RAB3B: variants seen among roughly 807,000 people sequenced by gnomAD.
RAB3B encodes RAB3B, member RAS oncogene family.
A neutral mutation model predicts 20.5 loss-of-function variants in RAB3B; 11 were observed. The observed-to-expected ratio is 0.54, with a 90% CI of 0.34 to 0.89. The LOEUF is 0.89. Ranked by LOEUF, RAB3B falls within the 40% of genes least tolerant of loss-of-function variation. RAB3B has a pLI of 0.02. For synonymous variants in RAB3B, 99 were observed against 106.3 expected (o/e 0.93, Z 0.42); for missense variants, 225 against 280.9 (o/e 0.80, Z 1.42).
At chr1:51,931,421 G>C (rs1190178299) in intron 4 of RAB3B, among the ~76,000 whole-genome samples, 1 of 152,104 alleles carries the variant, frequency 6.6e-6, no homozygotes, top group Non-Finnish European at 1.5e-5. Flanking sequence ...TTTCTCACTG[G>C]ATCGAGCTTA....
chr1:51,909,542 C>T lies in RAB3B; in HGVS notation c.*10385G>A, dbSNP rs1354506397. 1 of 152,150 alleles carries T rather than the reference C, an allele frequency of 6.6e-6. No homozygotes were observed. Among genetic ancestry groups the T allele is most frequent in the Non-Finnish European group, 1.5e-5 (1 of 68,034 alleles). 9.4% of individuals were successfully genotyped at this position (152,150 alleles called of 1,614,324 possible). A position where few individuals can be genotyped will look rare whatever the true frequency, so the allele number is the denominator to read the frequency against. ...AACAAAGGCTCTGGAGCACTCTAAACTCTCATTCTGGGCTCATTCCTCACT... is the reference window on the plus strand; with the variant it reads ...AACAAAGGCTCTGGAGCACTCTAAATTCTCATTCTGGGCTCATTCCTCACT... On this transcript the variant is annotated 3_prime_UTR_variant, in exon 5 of 5. Coordinates refer to ENST00000371655, the MANE Select transcript of RAB3B (RefSeq NM_002867.4).
intron 2 of RAB3B, among the ~76,000 whole-genome samples, chr1:51,974,021 C>T (rs1684974078): frequency 6.6e-6 from 1 of 152,202 alleles, no homozygotes; most frequent in Admixed American, 6.5e-5. Context: ...CATGAATCCT[C>T]TGACCGATGA....
At chr1:51,960,001 G>T (rs551278923) in intron 2 of RAB3B, among the ~76,000 whole-genome samples, 1 of 152,176 alleles carries the variant, frequency 6.6e-6, no homozygotes, top group Non-Finnish European at 1.5e-5. Context: ...GAGGCAGAAA[G>T]GGCCAAGAAT....
intron 2 of RAB3B, among the ~76,000 whole-genome samples, chr1:51,971,993 C>T (rs1274430821): frequency 1.3e-5 from 2 of 152,006 alleles, no homozygotes; most frequent in African/African-American, 4.8e-5. Context: ...CAAGCCTGGC[C>T]AACATGGTGA....
chr1:51,920,729 G>A (rs577996041), intron 4 of RAB3B, among the ~76,000 whole-genome samples: 6 of 152,082 alleles, frequency 3.9e-5, no homozygotes, highest in African/African-American at 7.2e-5. Context: ...GGACTTTTTC[G>A]CAGGGATTTT....
chr1:51,968,765 T>C (rs989589603), intron 2 of RAB3B, among the ~76,000 whole-genome samples: 9 of 152,234 alleles, frequency 5.9e-5, no homozygotes, highest in African/African-American at 2.2e-4. Context: ...TCATGGAGGC[T>C]GCTGTGTGGA....
chr1:51,949,384 C>T lies in RAB3B; in HGVS notation c.229-11972G>A, dbSNP rs548609190. 3.9e-5 allele frequency among the ~76,000 whole-genome samples: 6 copies of T among 152,352 alleles called. No individual in the cohort carries two copies. The South Asian group carries it at 1.0e-3, about 26-fold the overall frequency. ...ACCGGCACAGGATTTTTCTCAGTCACTTTGCCAGGCTCACAGAAGGAGACA... is the reference window on the plus strand; with the variant it reads ...ACCGGCACAGGATTTTTCTCAGTCATTTTGCCAGGCTCACAGAAGGAGACA... On this transcript the variant is annotated intron_variant, in intron 2 of 4. Coordinates refer to ENST00000371655, the MANE Select transcript of RAB3B (RefSeq NM_002867.4).
Position 51,919,897 on chromosome 1 carries a change from A to G in RAB3B, c.*30T>C, listed in dbSNP as rs766852614. 12 of 1,593,524 alleles carry G rather than the reference A, an allele frequency of 7.5e-6. No individual in the cohort carries two copies. Among genetic ancestry groups the G allele is most frequent in the South Asian group, 6.8e-5 (6 of 88,606 alleles). ...GAAGCAGACTGGGTGTGGGGCCACA[A>G]TGAGGGGAGGTCAGGAAGGTGGGCC... On this transcript the variant is annotated 3_prime_UTR_variant, in exon 5 of 5. Transcript: ENST00000371655.
At position 51,913,498 on chromosome 1, in the gene RAB3B, G is replaced by A. The variant is rs1221136205; in HGVS notation, c.*6429C>T. On this transcript the variant is annotated 3_prime_UTR_variant, in exon 5 of 5. Coordinates refer to ENST00000371655, the MANE Select transcript of RAB3B (RefSeq NM_002867.4). ...TCCCCTTTTTTTTTTTTGAGACTGAGTCTGGCTCTATCGCCCAGGCTGAAG... is the reference window on the plus strand; with the variant it reads ...TCCCCTTTTTTTTTTTTGAGACTGAATCTGGCTCTATCGCCCAGGCTGAAG... 1 of 149,732 alleles carries A rather than the reference G, an allele frequency of 6.7e-6. No homozygotes were observed. Among genetic ancestry groups the A allele is most frequent in the Non-Finnish European group, 1.5e-5 (1 of 67,660 alleles). 9.3% of individuals were successfully genotyped at this position (149,732 alleles called of 1,614,324 possible).
At chr1:51,966,446 A>T (rs1166687103) in intron 2 of RAB3B, among the ~76,000 whole-genome samples, 1 of 152,204 alleles carries the variant, frequency 6.6e-6, no homozygotes, top group South Asian at 2.1e-4. Context: ...AATGGCTTGT[A>T]GATTATTTCT....
At position 51,958,489 on chromosome 1, in the gene RAB3B, CG is replaced by C. The variant is rs367935784; in HGVS notation, c.228+18400del. Among the ~76,000 whole-genome samples, 302 of 152,112 alleles carry C rather than the reference CG, an allele frequency of 2.0e-3. 1 individual carries two copies. The highest frequency in any genetic ancestry group is 6.9e-3 in the African/African-American group (288 of 41,502). On this transcript the variant is annotated intron_variant, in intron 2 of 4. Transcript: ENST00000371655. ...CTGTAATCCTAGCACTTTGGGAGGC[CG>C]AGGTGGGCAGATCACCTGAGGTCAG...
At chr1:51,980,725 A>G in intron 1 of RAB3B, 1 of 756,080 alleles carries the variant, frequency 1.3e-6, no homozygotes, top group East Asian at 2.4e-5. Context: ...CAAAGTAGTC[A>G]GGAATCGATC....
At chr1:51,935,452 C>T (rs753693511) in intron 3 of RAB3B, among the ~76,000 whole-genome samples, 2 of 152,126 alleles carry the variant, frequency 1.3e-5, no homozygotes, top group African/African-American at 4.8e-5. Flanking sequence ...AGAGATAGAC[C>T]CTCAGTCTTC....
chr1:51,912,554 A>AATATATATATAT lies in RAB3B; in HGVS notation c.*7361_*7372dup, dbSNP rs1171897939. Reference sequence around the variant, plus strand: ...AGACCGTCTCTATTAAAAAAAAAAAAATATATATATATATATATATATATA... The same window carrying AATATATATATAT: ...AGACCGTCTCTATTAAAAAAAAAAAAATATATATATATATATATATATATATATATATATATA... On this transcript the variant is annotated 3_prime_UTR_variant, in exon 5 of 5. Transcript: ENST00000371655. The AATATATATATAT allele has an allele frequency of 6.5e-5, 1 of 15,498 alleles. No homozygotes were observed. The highest frequency in any genetic ancestry group is 1.7e-4 in the African/African-American group (1 of 5,734). The allele number at this position is 15,498 out of a possible 1,614,324, so 1.0% of individuals were successfully genotyped here. A position where few individuals can be genotyped will look rare whatever the true frequency, so the allele number is the denominator to read the frequency against.
chr1:51,977,547 G>A (rs980081035), intron 1 of RAB3B, among the ~76,000 whole-genome samples: 4 of 152,142 alleles, frequency 2.6e-5, no homozygotes, highest in African/African-American at 7.2e-5. Flanking sequence ...CTGGAGGCCC[G>A]GTGATCAAGG....
At chr1:51,937,502 A>AT (rs370327791) in intron 2 of RAB3B, 90 bp from the exon 3 acceptor site, 24,045 of 691,322 alleles carry the variant, frequency 0.035, 1 homozygote, top group South Asian at 0.043. Context: ...AACCCAAGAC[A>AT]TTTTTTTTTT....
At chr1:51,956,037 A>G (rs938945875) in intron 2 of RAB3B, among the ~76,000 whole-genome samples, 2 of 152,214 alleles carry the variant, frequency 1.3e-5, no homozygotes, top group African/African-American at 4.8e-5. Context: ...AGAGCCTGTC[A>G]GAGGCAGCCT....
At chr1:51,949,522 CA>C (rs1221300203) in intron 2 of RAB3B, among the ~76,000 whole-genome samples, 1 of 152,204 alleles carries the variant, frequency 6.6e-6, no homozygotes, top group Non-Finnish European at 1.5e-5. Flanking sequence ...TGTGAGTGAG[CA>C]AGTGCAGGGT....
intron 2 of RAB3B, among the ~76,000 whole-genome samples, chr1:51,957,169 C>T (rs1310363827): frequency 6.6e-6 from 1 of 152,142 alleles, no homozygotes; most frequent in African/African-American, 2.4e-5. Context: ...GAGTCAGGAC[C>T]AAACCAGGAG....
Sources: allele counts gnomAD v4.1 joint callset (sites outside exome capture counted in the v4.1 genomes callset), GRCh38; gene constraint gnomAD v4.1.1; transcripts MANE v1.5; gene names NCBI Gene and HGNC (gene_info 2026-07-23, HGNC 2026-07-21).